PPARA: variants seen among roughly 807,000 people sequenced by gnomAD.
The protein encoded by PPARA is peroxisome proliferator activated receptor alpha.
PPARA carries 22 observed loss-of-function variants against 42.2 expected under a neutral mutation model. That is an observed-to-expected ratio of 0.52 (90% confidence interval 0.37 to 0.74). The LOEUF is 0.74. Ranked by LOEUF, PPARA falls within the 30% of genes least tolerant of loss-of-function variation. PPARA has a pLI of 0.00. For synonymous variants in PPARA, 242 were observed against 239.3 expected (o/e 1.01, Z -0.10); for missense variants, 465 against 608.2 (o/e 0.76, Z 2.48).
In PPARA at chr22:46,205,519, CATATATAT is replaced by C. The variant is rs552533545; in HGVS notation, c.208+6957_208+6964del. Among the ~76,000 whole-genome samples the C allele has an allele frequency of 9.2e-3, 315 of 34,424 alleles. 4 individuals carry two copies. Among genetic ancestry groups the C allele is most frequent in the African/African-American group, 0.016 (138 of 8,394 alleles). 22.6% of individuals were successfully genotyped at this position (34,424 alleles called of 152,430 possible). A position where few individuals can be genotyped will look rare whatever the true frequency, so the allele number is the denominator to read the frequency against. On this transcript the variant is annotated intron_variant, in intron 4 of 8. Transcript: ENST00000407236. ...ACAGGCGTGAGCCACCATGCCCAGC[CATATATAT>C]ATATATATATATATATATATATATA...
chr22:46,150,870 CCGAGGACTCTTG>C lies in PPARA; in HGVS notation c.-210+224_-210+235del, dbSNP rs200018420. The C allele has an allele frequency of 0.042, 6,353 of 151,988 alleles. 147 individuals are homozygous for C. Among genetic ancestry groups the C allele is most frequent in the South Asian group, 0.075 (362 of 4,810 alleles). The allele number at this position is 151,988 out of a possible 1,614,324, so 9.4% of individuals were successfully genotyped here. A position where few individuals can be genotyped will look rare whatever the true frequency, so the allele number is the denominator to read the frequency against. ...TGAGGGCGAGGAGCGAGGACACACACCGAGGACTCTTGCGAGGGATCTCGGGGCCCAGCTCGG... is the reference window on the plus strand; with the variant it reads ...TGAGGGCGAGGAGCGAGGACACACACCGAGGGATCTCGGGGCCCAGCTCGG... On this transcript the variant is annotated intron_variant, in intron 1 of 8. Transcript: ENST00000407236. This position sits in a 1 kb window ranked among gnomAD's most constrained non-coding sequence, Gnocchi z 7.5.
intron 7 of PPARA, among the ~76,000 whole-genome samples, chr22:46,228,174 C>T (rs1441482537): frequency 6.6e-6 from 1 of 152,234 alleles, no homozygotes; most frequent in Admixed American, 6.5e-5. Flanking sequence ...TGCCCCCAGC[C>T]TAGAAAGGCC....
chr22:46,177,621 G>C (rs1328159491), intron 3 of PPARA, among the ~76,000 whole-genome samples: 2 of 152,160 alleles, frequency 1.3e-5, no homozygotes, highest in African/African-American at 4.8e-5. Flanking sequence ...TCAGAATCTT[G>C]GGCATAAACT....
rs1442819715 is a variant in PPARA, at chr22:46,225,782, C to T, written c.711+5768C>T. ...ACATCCATGCATGCACGTGTAAACACACACACCCCCACACATACACGTGCA... is the reference window on the plus strand; with the variant it reads ...ACATCCATGCATGCACGTGTAAACATACACACCCCCACACATACACGTGCA... On this transcript the variant is annotated intron_variant, in intron 7 of 8. Coordinates refer to ENST00000407236, the MANE Select transcript of PPARA (RefSeq NM_005036.6). The surrounding 1 kb of genome is among the most constrained non-coding windows in gnomAD (Gnocchi z 4.1). Among the ~76,000 whole-genome samples the T allele has an allele frequency of 6.6e-6, 1 of 151,944 alleles. No homozygotes were observed. Among genetic ancestry groups the T allele is most frequent in the African/African-American group, 2.4e-5 (1 of 41,334 alleles).
intron 2 of PPARA, among the ~76,000 whole-genome samples, chr22:46,175,799 C>T (rs570490870): frequency 1.3e-5 from 2 of 151,858 alleles, no homozygotes; most frequent in Admixed American, 6.6e-5. Flanking sequence ...GAGACTCATC[C>T]AGCTTGTTGG....
At position 46,235,658 on chromosome 22, in the gene PPARA, G is replaced by A. The variant is rs1319393851; in HGVS notation, c.*278G>A. ...ATGGTCTGATTTTAACTCACCCGAT[G>A]TTAATCAATGCACATTGCTTTAGAT... On this transcript the variant is annotated 3_prime_UTR_variant, in exon 9 of 9. Transcript: ENST00000407236. This position sits in a 1 kb window ranked among gnomAD's most constrained non-coding sequence, Gnocchi z 7.0. 1.1e-5 allele frequency: 5 copies of A among 466,946 alleles called. No homozygotes were observed. The highest frequency in any genetic ancestry group is 7.9e-5 in the African/African-American group (4 of 50,870). The allele number at this position is 466,946 out of a possible 1,614,324, so 28.9% of individuals were successfully genotyped here.
chr22:46,154,945 A>T (rs1392267171), intron 2 of PPARA: 1 of 128,108 alleles, frequency 7.8e-6, no homozygotes, highest in African/African-American at 2.9e-5. Flanking sequence ...TAGTGCTGGG[A>T]CTAAGCCATG....
chr22:46,189,872 A>G, intron 3 of PPARA, among the ~76,000 whole-genome samples: 1 of 151,926 alleles, frequency 6.6e-6, no homozygotes, highest in Non-Finnish European at 1.5e-5. Context: ...ACGCCCAGCT[A>G]ATTTTTGTAT....
At chr22:46,159,111 C>CA (rs1367551108) in intron 2 of PPARA, among the ~76,000 whole-genome samples, 1 of 152,126 alleles carries the variant, frequency 6.6e-6, no homozygotes, top group Non-Finnish European at 1.5e-5. Flanking sequence ...GGCTGGGTCT[C>CA]AAACTCCTGA....
Position 46,234,284 on chromosome 22 carries a change from T to G in PPARA, c.1160-849T>G, listed in dbSNP as rs1206441536. Among the ~76,000 whole-genome samples the G allele has an allele frequency of 6.6e-6, 1 of 152,158 alleles. No individual in the cohort carries two copies. Among genetic ancestry groups the G allele is most frequent in the African/African-American group, 2.4e-5 (1 of 41,420 alleles). On this transcript the variant is annotated intron_variant, in intron 8 of 8. Transcript: ENST00000407236. The surrounding 1 kb of genome is among the most constrained non-coding windows in gnomAD (Gnocchi z 5.8). ...AAACAAGAATTTTAGAAATAAAAACTTAATAATTACATTTACAACCAAAAA... is the reference window on the plus strand; with the variant it reads ...AAACAAGAATTTTAGAAATAAAAACGTAATAATTACATTTACAACCAAAAA...
chr22:46,219,719 TG>T lies in PPARA; in HGVS notation c.509-91del. ...TGAACTGCCTGTGAATTTTCATTCC[TG>T]GTTTAAAGTCCTGGGGGAGCCCCTC... On this transcript the variant is annotated intron_variant, in intron 6 of 8. Transcript: ENST00000407236. The surrounding 1 kb of genome is among the most constrained non-coding windows in gnomAD (Gnocchi z 4.8). The T allele has an allele frequency of 7.8e-7, 1 of 1,274,080 alleles. No homozygotes were observed. The highest frequency in any genetic ancestry group is 1.1e-6 in the Non-Finnish European group (1 of 879,248). The allele number at this position is 1,274,080 out of a possible 1,614,324, so 78.9% of individuals were successfully genotyped here.
chr22:46,161,885 G>A lies in PPARA; in HGVS notation c.-127+9915G>A, dbSNP rs1601605211. ...TCTGGCTCCACGAGGCCCCCTGTAC[G>A]TCACCATCACCTTTGTGAGCTTGAA... On this transcript the variant is annotated intron_variant, in intron 2 of 8. Coordinates refer to ENST00000407236, the MANE Select transcript of PPARA (RefSeq NM_005036.6). This position sits in a 1 kb window ranked among gnomAD's most constrained non-coding sequence, Gnocchi z 4.8. Among the ~76,000 whole-genome samples the A allele has an allele frequency of 1.3e-5, 2 of 152,020 alleles. No homozygotes were observed. Among genetic ancestry groups the A allele is most frequent in the African/African-American group, 2.4e-5 (1 of 41,360 alleles).
intron 2 of PPARA, among the ~76,000 whole-genome samples, chr22:46,153,072 C>T (rs186395674): frequency 7.9e-5 from 12 of 151,184 alleles, no homozygotes; most frequent in South Asian, 2.1e-4. Flanking sequence ...GGCGCCAGGG[C>T]GAGACTCCGT....
chr22:46,240,258 C>T lies in PPARA; in HGVS notation c.*4878C>T. On this transcript the variant is annotated 3_prime_UTR_variant, in exon 9 of 9. Coordinates refer to ENST00000407236, the MANE Select transcript of PPARA (RefSeq NM_005036.6). The surrounding 1 kb of genome is among the most constrained non-coding windows in gnomAD (Gnocchi z 6.0). ...CCTCAGCTGTTTGAGGGGGTAACAG[C>T]AAATCAGCCTCCATTTTAAAATGAA... 2.5e-6 allele frequency: 1 copy of T among 398,696 alleles called. No individual in the cohort carries two copies. The highest frequency in any genetic ancestry group is 4.4e-6 in the Non-Finnish European group (1 of 226,114). 24.7% of individuals were successfully genotyped at this position (398,696 alleles called of 1,614,324 possible). A position where few individuals can be genotyped will look rare whatever the true frequency, so the allele number is the denominator to read the frequency against.
chr22:46,218,507 A>G, intron 6 of PPARA, 106 bp downstream of exon 6: 1 of 1,548,514 alleles, frequency 6.5e-7, no homozygotes, highest in Non-Finnish European at 8.9e-7. Flanking sequence ...AACATTTCAC[A>G]CCCAAGTCAT....
At position 46,165,258 on chromosome 22, in the gene PPARA, ACTC is replaced by A. The variant is rs1327599292; in HGVS notation, c.-126-11492_-126-11490del. On this transcript the variant is annotated intron_variant, in intron 2 of 8. Coordinates refer to ENST00000407236, the MANE Select transcript of PPARA (RefSeq NM_005036.6). The surrounding 1 kb of genome is among the most constrained non-coding windows in gnomAD (Gnocchi z 5.5). ...GCCATGTCAGCCAGGCTGGCCTCAA[ACTC>A]CTGACCGCAGGTGATCCGCCTGCCC... 6.6e-6 allele frequency: 1 copy of A among 151,910 alleles called. No homozygotes were observed. Among genetic ancestry groups the A allele is most frequent in the African/African-American group, 2.4e-5 (1 of 41,352 alleles). The allele number at this position is 151,910 out of a possible 1,614,324, so 9.4% of individuals were successfully genotyped here.
At chr22:46,214,681 C>A (rs1601771734) in intron 4 of PPARA, among the ~76,000 whole-genome samples, 2 of 135,866 alleles carry the variant, frequency 1.5e-5, no homozygotes, top group East Asian at 4.6e-4. Flanking sequence ...CGCGCGGGTC[C>A]GGAGATGCGT....
chr22:46,218,652 G>A (rs1340609125), intron 6 of PPARA, among the ~76,000 whole-genome samples: 1 of 151,662 alleles, frequency 6.6e-6, no homozygotes, highest in African/African-American at 2.4e-5. Context: ...TGGCCAATAT[G>A]GTGAAACCCC....
At position 46,227,729 on chromosome 22, in the gene PPARA, G is replaced by A. The variant is rs749711020; in HGVS notation, c.712-4063G>A. 4.6e-5 allele frequency among the ~76,000 whole-genome samples: 7 copies of A among 152,168 alleles called. No individual in the cohort carries two copies. Among genetic ancestry groups the A allele is most frequent in the East Asian group, 1.9e-4 (1 of 5,196 alleles). ...AAATCTAGGCAGCTTCCTGCCTCAC[G>A]CTGTTTAAAACCTTTATAATGTGCT... On this transcript the variant is annotated intron_variant, in intron 7 of 8. Transcript: ENST00000407236. The surrounding 1 kb of genome is among the most constrained non-coding windows in gnomAD (Gnocchi z 4.3).
Sources: allele counts gnomAD v4.1 joint callset (sites outside exome capture counted in the v4.1 genomes callset), GRCh38; gene constraint gnomAD v4.1.1; non-coding constraint Gnocchi (gnomAD v3.1); transcripts MANE v1.5; gene names NCBI Gene and HGNC (gene_info 2026-07-23, HGNC 2026-07-21).